Variants in ZC3HC1 observed in about 807,000 individuals in gnomAD.
The protein encoded by ZC3HC1 is zinc finger C3HC-type protein 1.
In ZC3HC1, 38 loss-of-function variants were observed where a neutral mutation model predicts 61.9. The observed-to-expected ratio is 0.61, with a 90% CI of 0.47 to 0.81. The LOEUF (loss-of-function observed/expected upper bound fraction) is 0.81, where lower values mean the gene tolerates loss of function less well. Ranked by LOEUF, ZC3HC1 falls within the 30% of genes least tolerant of loss-of-function variation. The pLI, the probability that ZC3HC1 is intolerant of heterozygous loss-of-function variation, is 0.00. For synonymous variants in ZC3HC1, 213 were observed against 229.9 expected (o/e 0.93, Z 0.67); for missense variants, 554 against 622.7 (o/e 0.89, Z 1.17).
chr7:130,049,626 C>G (rs559955512), intron 1 of ZC3HC1, among the ~76,000 whole-genome samples: 1 of 151,706 alleles, frequency 6.6e-6, no homozygotes, highest in African/African-American at 2.4e-5. Flanking sequence ...CTCACTGCAA[C>G]CTCCACCTCC....
rs770359613 is a variant in ZC3HC1, at chr7:130,023,614, G to A, written c.1130C>T (p.Pro377Leu). The A allele has an allele frequency of 6.2e-7, 1 of 1,614,154 alleles. No individual in the cohort carries two copies. The highest frequency in any genetic ancestry group is 2.2e-5 in the East Asian group (1 of 44,876). Residue 377 changes from proline (P) to leucine (L), a missense_variant, in exon 8 of 10, where the codon CCA (proline) becomes CTA (leucine). By Grantham distance (98) the Pro-to-Leu change is moderately conservative. Coordinates refer to ENST00000358303, the MANE Select transcript of ZC3HC1 (RefSeq NM_016478.5). This position sits in a 1 kb window ranked among gnomAD's most constrained non-coding sequence, Gnocchi z 4.2. ...TCCTGTTCCCATGCTTCGGGTCACTGGGCGAGTTCTGGTGGTGGGGCTAGC... is the reference window on the plus strand; with the variant it reads ...TCCTGTTCCCATGCTTCGGGTCACTAGGCGAGTTCTGGTGGTGGGGCTAGC... ...EAASPTTRTR[P>L]VTRSMGTGDT...
chr7:130,040,182 TAAAAAAAAAAAA>T (rs34814353), intron 3 of ZC3HC1, among the ~76,000 whole-genome samples: 1 of 35,332 alleles, frequency 2.8e-5, no homozygotes, highest in Non-Finnish European at 4.7e-5. Flanking sequence ...TAGCTTAGTT[TAAAAAAAAAAAA>T]AAAAAAAAAA....
chr7:130,040,492 C>T (rs536920699), intron 3 of ZC3HC1, among the ~76,000 whole-genome samples: 29 of 127,202 alleles, frequency 2.3e-4, no homozygotes, highest in Non-Finnish European at 3.7e-4. Flanking sequence ...AGCGAGACTC[C>T]GTCTCAAAAA....
chr7:130,019,013 T>A (rs1407302110), intron 9 of ZC3HC1, among the ~76,000 whole-genome samples: 1 of 152,070 alleles, frequency 6.6e-6, no homozygotes, highest in African/African-American at 2.4e-5. Flanking sequence ...ATGACACTTC[T>A]GACTTGCCGT....
At chr7:130,020,273 T>C (rs117322082) in intron 9 of ZC3HC1, among the ~76,000 whole-genome samples, 2,301 of 151,358 alleles carry the variant, frequency 0.015, 30 homozygotes, top group Non-Finnish European at 0.019. Flanking sequence ...TACACTTTTT[T>C]CTTTTTTTTT....
intron 6 of ZC3HC1, among the ~76,000 whole-genome samples, chr7:130,025,916 A>G (rs2116677447): frequency 6.6e-6 from 1 of 151,660 alleles, no homozygotes; most frequent in Admixed American, 6.6e-5. Flanking sequence ...TTCCCAGTTA[A>G]GAAGCAACAG....
At chr7:130,020,083 G>A (rs1793571770) in intron 9 of ZC3HC1, among the ~76,000 whole-genome samples, 1 of 151,922 alleles carries the variant, frequency 6.6e-6, no homozygotes, top group East Asian at 1.9e-4. Flanking sequence ...CCAAAGTGCT[G>A]GGATTACAGG....
intron 4 of ZC3HC1, among the ~76,000 whole-genome samples, chr7:130,029,553 A>G (rs1794084875): frequency 6.6e-6 from 1 of 152,150 alleles, no homozygotes; most frequent in South Asian, 2.1e-4. Flanking sequence ...TTATATTTTG[A>G]AATATTTAGA....
At chr7:130,030,263 G>A (rs907230222) in intron 4 of ZC3HC1, among the ~76,000 whole-genome samples, 13 of 147,924 alleles carry the variant, frequency 8.8e-5, no homozygotes, top group Non-Finnish European at 1.3e-4. Context: ...GCAATGGTGC[G>A]ATCACGGCTC....
At chr7:130,028,117 A>G (rs1025876445) in intron 5 of ZC3HC1, among the ~76,000 whole-genome samples, 4 of 129,530 alleles carry the variant, frequency 3.1e-5, no homozygotes, top group Admixed American at 9.0e-5. Flanking sequence ...CAGTGAGCCA[A>G]GATCACCACT....
intron 4 of ZC3HC1, 53 bp downstream of exon 4, chr7:130,039,411 G>T (rs1304943291): frequency 2.2e-6 from 3 of 1,388,392 alleles, no homozygotes; most frequent in Non-Finnish European, 2.0e-6. Flanking sequence ...GACAATATTA[G>T]AAATGCAATG....
chr7:130,046,278 T>C (rs1003151533), intron 2 of ZC3HC1, among the ~76,000 whole-genome samples: 2 of 151,984 alleles, frequency 1.3e-5, no homozygotes, highest in African/African-American at 4.8e-5. Flanking sequence ...AACCCGCACA[T>C]CCTACACATG....
Position 130,023,554 on chromosome 7 carries a change from A to T in ZC3HC1, c.1190T>A (p.Leu397Gln). The T allele has an allele frequency of 6.2e-7, 1 of 1,614,174 alleles. No individual in the cohort carries two copies. Among genetic ancestry groups the T allele is most frequent in the Non-Finnish European group, 8.5e-7 (1 of 1,180,036 alleles). ...GAGGCGAGCTCGCTTGGCTTTCCGC[A>T]GAGGGCTAGATGGTACCTCCAGGCC... ...TPGLEVPSSP[L>Q]RKAKRARLCS... Residue 397 changes from leucine (L) to glutamine (Q), a missense_variant, in exon 8 of 10, where the codon CTG becomes CAG. By Grantham distance (113) the Leu-to-Gln change is moderately radical. Transcript: ENST00000358303. The surrounding 1 kb of genome is among the most constrained non-coding windows in gnomAD (Gnocchi z 4.2).
At chr7:130,047,244 A>C (rs1408639674) in intron 2 of ZC3HC1, among the ~76,000 whole-genome samples, 1 of 152,068 alleles carries the variant, frequency 6.6e-6, no homozygotes, top group Admixed American at 6.6e-5. Flanking sequence ...TACAGGTGTA[A>C]GCCACCACGC....
intron 4 of ZC3HC1, among the ~76,000 whole-genome samples, chr7:130,030,826 G>A (rs569404087): frequency 0.016 from 2,420 of 151,720 alleles, 40 homozygotes; most frequent in South Asian, 0.029. Flanking sequence ...CCGCCACTGC[G>A]CCTGGCTAAT....
intron 2 of ZC3HC1, 119 bp from the exon 3 acceptor site, chr7:130,041,220 C>A (rs1363249797): frequency 8.5e-7 from 1 of 1,173,198 alleles, no homozygotes; most frequent in Non-Finnish European, 1.2e-6. Flanking sequence ...AAAGTTCTCA[C>A]TCTGTCTCCC....
intron 1 of ZC3HC1, chr7:130,050,393 A>G (rs1795030804): frequency 1.8e-5 from 27 of 1,531,748 alleles, no homozygotes; most frequent in Non-Finnish European, 2.4e-5. Flanking sequence ...CATTATTTTA[A>G]TAAAAATAGG....
intron 2 of ZC3HC1, among the ~76,000 whole-genome samples, chr7:130,041,337 G>A (rs1584590302): frequency 6.6e-6 from 1 of 151,772 alleles, no homozygotes; most frequent in Non-Finnish European, 1.5e-5. Flanking sequence ...ACAGGTGCAC[G>A]CCACCACACC....
At chr7:130,035,482 A>G (rs1298064677) in intron 4 of ZC3HC1, among the ~76,000 whole-genome samples, 1 of 151,470 alleles carries the variant, frequency 6.6e-6, no homozygotes, top group Non-Finnish European at 1.5e-5. Flanking sequence ...CGGAGGTTGC[A>G]GTGAGCCCTG....
Sources: allele counts gnomAD v4.1 joint callset (sites outside exome capture counted in the v4.1 genomes callset), GRCh38; gene constraint gnomAD v4.1.1; non-coding constraint Gnocchi (gnomAD v3.1); transcripts MANE v1.5; gene names NCBI Gene and HGNC (gene_info 2026-07-23, HGNC 2026-07-21).